The following ACTN4 variants were observed in gnomAD, a reference collection of about 807,000 sequenced individuals.
ACTN4 encodes the protein alpha-actinin-4.
In ACTN4, 18 loss-of-function variants were observed where a neutral mutation model predicts 114.2. The observed-to-expected ratio is 0.16, with a 90% confidence interval of 0.11 to 0.23. The LOEUF is 0.23. Ranked by LOEUF, ACTN4 falls within the 10% of genes least tolerant of loss-of-function variation. The pLI is 1.00. For missense variants in ACTN4, 722 were observed against 1,262.9 expected (o/e 0.57, Z 6.49); for synonymous variants, 515 against 506.3 (o/e 1.02, Z -0.23).
chr19:38,670,932 A>C (rs897895249), intron 1 of ACTN4, among the ~76,000 whole-genome samples: 62 of 151,884 alleles, frequency 4.1e-4, no homozygotes, highest in African/African-American at 8.5e-4. Context: ...AAAAAAAAAA[A>C]AAAAAACCTG....
At chr19:38,680,455 C>G (rs1401898835) in intron 1 of ACTN4, among the ~76,000 whole-genome samples, 2 of 152,084 alleles carry the variant, frequency 1.3e-5, no homozygotes, top group Non-Finnish European at 2.9e-5. Flanking sequence ...GCTGGGATTA[C>G]AGACAGGCAT....
At chr19:38,685,342 C>T (rs115556275) in intron 1 of ACTN4, among the ~76,000 whole-genome samples, 38 of 152,298 alleles carry the variant, frequency 2.5e-4, no homozygotes, top group African/African-American at 7.9e-4. Flanking sequence ...CTTAACACCA[C>T]GAATTAGTTG....
intron 1 of ACTN4, among the ~76,000 whole-genome samples, chr19:38,676,466 G>A (rs531520049): frequency 1.3e-5 from 2 of 152,322 alleles, no homozygotes; most frequent in Admixed American, 6.5e-5. Flanking sequence ...GTATAGCAGT[G>A]TCCTGCGACT....
At chr19:38,701,413 C>T (rs779224894) in intron 3 of ACTN4, among the ~76,000 whole-genome samples, 4 of 152,204 alleles carry the variant, frequency 2.6e-5, no homozygotes, top group Non-Finnish European at 5.9e-5. Flanking sequence ...GGTTTTGACT[C>T]GGACTCAGGT....
At chr19:38,707,906 CAGT>C (rs1399734780) in intron 5 of ACTN4, among the ~76,000 whole-genome samples, 1 of 152,232 alleles carries the variant, frequency 6.6e-6, no homozygotes, top group Non-Finnish European at 1.5e-5. Flanking sequence ...GTCACACTGT[CAGT>C]AGGCAGAAGA....
rs749089376 is a variant in ACTN4, at chr19:38,724,270, C to T, written c.1806C>T (p.His602=). 1.4e-5 allele frequency: 22 copies of T among 1,613,876 alleles called. No homozygotes were observed. The Admixed American group carries it at 1.8e-4, about 13-fold the overall frequency. The change falls in exon 15 of 21, where the codon CAC becomes CAT. Residue 602 remains histidine, a synonymous_variant. Transcript: ENST00000252699. The surrounding 1 kb of genome is among the most constrained non-coding windows in gnomAD (Gnocchi z 7.0). ...KEAQRIAESN[H]IKLSGSNPYT... is the part of the protein sequence containing the mutation. ...CCCAGAGGATCGCTGAGAGCAACCACATCAAGCTGTCGGGCAGCAACCCCT... is the reference window on the plus strand; with the variant it reads ...CCCAGAGGATCGCTGAGAGCAACCATATCAAGCTGTCGGGCAGCAACCCCT...
rs1286433993 is a variant in ACTN4, at chr19:38,724,161, T to A, written c.1697T>A (p.Leu566Gln). ...TCACTCCAGCTCCTCCCCTAGGGCC[T>A]GATCTCAGCCCATGACCAGTTCAAG... The part of the protein sequence containing the change: ...IVHTIEEIEG[L>Q]ISAHDQFKST... Residue 566 changes from leucine (L) to glutamine (Q), a missense_variant, in exon 15 of 21, where the codon CTG becomes CAG. Leu to Gln is a moderately radical substitution (Grantham distance 113). Coordinates refer to ENST00000252699, the MANE Select transcript of ACTN4 (RefSeq NM_004924.6). This position sits in a 1 kb window ranked among gnomAD's most constrained non-coding sequence, Gnocchi z 7.0. The A allele has an allele frequency of 6.2e-7, 1 of 1,613,806 alleles. No individual in the cohort carries two copies. The highest frequency in any genetic ancestry group is 1.7e-5 in the Admixed American group (1 of 60,012).
At chr19:38,673,580 T>C in intron 1 of ACTN4, among the ~76,000 whole-genome samples, 1 of 117,752 alleles carries the variant, frequency 8.5e-6, no homozygotes, top group East Asian at 2.1e-4. Context: ...TATATATTCA[T>C]ATATATTTAT....
chr19:38,683,271 C>T lies in ACTN4; in HGVS notation c.163-17329C>T, dbSNP rs1241846153. Among the ~76,000 whole-genome samples the T allele has an allele frequency of 2.6e-5, 4 of 152,144 alleles. No individual in the cohort carries two copies. The South Asian group carries it at 6.2e-4, about 24-fold the overall frequency. The stretch of plus-strand genomic sequence containing the variant: ...TGCAGTGCAGTGCCCTCAGACCTAA[C>T]CATTTTGTTCCGTGCTGGCTTGAAA... On this transcript the variant is annotated intron_variant, in intron 1 of 20. Transcript: ENST00000252699.
At chr19:38,693,828 C>A (rs1471628806) in intron 1 of ACTN4, among the ~76,000 whole-genome samples, 1 of 152,162 alleles carries the variant, frequency 6.6e-6, no homozygotes, top group South Asian at 2.1e-4. Flanking sequence ...GCTCTTGGGG[C>A]CCCCTGAAGC....
intron 3 of ACTN4, among the ~76,000 whole-genome samples, chr19:38,704,682 G>T (rs996027200): frequency 6.6e-6 from 1 of 152,342 alleles, no homozygotes; most frequent in South Asian, 2.1e-4. Context: ...GCTGGCTGCG[G>T]GGCCAGGGAC....
intron 8 of ACTN4, 57 bp from the exon 9 acceptor site, chr19:38,714,412 C>G: frequency 1.3e-6 from 2 of 1,540,474 alleles, no homozygotes; most frequent in Non-Finnish European, 1.8e-6. Flanking sequence ...GGGACGTGCC[C>G]GTCAGGAGGG....
At chr19:38,728,404 C>CTCAGGCT in intron 19 of ACTN4, 1 of 1,347,698 alleles carries the variant, frequency 7.4e-7, no homozygotes, top group South Asian at 1.2e-5. Flanking sequence ...GTCTCCCCAG[C>CTCAGGCT]CACCCGCTCC....
intron 1 of ACTN4, among the ~76,000 whole-genome samples, chr19:38,662,981 C>T (rs1282708859): frequency 1.3e-5 from 2 of 151,774 alleles, no homozygotes; most frequent in Middle Eastern, 3.2e-3. Context: ...ACAATCTTGG[C>T]TCACTGCAAC....
At chr19:38,664,476 A>G (rs1438629179) in intron 1 of ACTN4, among the ~76,000 whole-genome samples, 1 of 152,186 alleles carries the variant, frequency 6.6e-6, no homozygotes, top group Non-Finnish European at 1.5e-5. Context: ...CAGATAACAC[A>G]TGACAGCTGT....
chr19:38,674,280 A>G (rs113688742), intron 1 of ACTN4, among the ~76,000 whole-genome samples: 224 of 152,240 alleles, frequency 1.5e-3, no homozygotes, highest in African/African-American at 5.0e-3. Flanking sequence ...GAAGAGAGAA[A>G]TAAAATGAGA....
chr19:38,651,821 T>A (rs1051060260), intron 1 of ACTN4, among the ~76,000 whole-genome samples: 1 of 152,118 alleles, frequency 6.6e-6, no homozygotes. Context: ...CCACAACCTC[T>A]TCCAGGTTCA....
At chr19:38,695,917 C>T (rs943749026) in intron 1 of ACTN4, among the ~76,000 whole-genome samples, 3 of 152,076 alleles carry the variant, frequency 2.0e-5, no homozygotes, top group Non-Finnish European at 2.9e-5. Context: ...CCCCAGGAGC[C>T]CAGCACCTGG....
At chr19:38,714,594 C>A in intron 9 of ACTN4, 33 bp downstream of exon 9, 1 of 1,599,312 alleles carries the variant, frequency 6.3e-7, no homozygotes, top group Non-Finnish European at 8.6e-7. Context: ...TCAGGGCCAC[C>A]TCATTATCCT....
Sources: gnomAD v4.1 joint callset for allele counts (sites outside exome capture counted in the v4.1 genomes callset) on GRCh38, gnomAD v4.1.1 for gene constraint, Gnocchi (gnomAD v3.1) non-coding constraint, MANE v1.5 for transcripts, NCBI Gene and HGNC (gene_info 2026-07-23, HGNC 2026-07-21) for gene names.